The following USH2A variants were observed in gnomAD, a reference collection of about 807,000 sequenced individuals.
USH2A encodes the protein Usher syndrome 2A (autosomal recessive, mild).
In USH2A, 443 loss-of-function variants were observed where a neutral mutation model predicts 538.9. That is an observed-to-expected ratio of 0.82 (90% CI 0.76 to 0.89). The LOEUF is 0.89. USH2A is among the 40% of genes least tolerant of loss of function. The pLI is 0.00. For synonymous variants in USH2A, 2,413 were observed against 2,273.5 expected (o/e 1.06, Z -1.75); for missense variants, 6,633 against 6,324.8 (o/e 1.05, Z -1.65).
At chr1:215,627,233 G>A (rs1432003947) in intron 71 of USH2A, among the ~76,000 whole-genome samples, 1 of 152,156 alleles carries the variant, frequency 6.6e-6, no homozygotes, top group African/African-American at 2.4e-5. Flanking sequence ...ACTTGGAGGA[G>A]AAAGATGAGA....
intron 13 of USH2A, among the ~76,000 whole-genome samples, chr1:216,234,501 T>C (rs2035768406): frequency 6.6e-6 from 1 of 152,124 alleles, no homozygotes; most frequent in Admixed American, 6.6e-5. Context: ...ATTCATCACA[T>C]GATCAAAGTC....
At chr1:216,373,167 A>C (rs2038746776) in intron 3 of USH2A, among the ~76,000 whole-genome samples, 1 of 152,236 alleles carries the variant, frequency 6.6e-6, no homozygotes, top group Non-Finnish European at 1.5e-5. Flanking sequence ...CATATACTAC[A>C]CATAAGGGGT....
At chr1:216,105,420 C>T (rs927055944) in intron 21 of USH2A, among the ~76,000 whole-genome samples, 1 of 151,892 alleles carries the variant, frequency 6.6e-6, no homozygotes, top group Non-Finnish European at 1.5e-5. Context: ...TGTACTCGCC[C>T]CATTGAACTG....
chr1:215,795,210 G>C lies in USH2A; in HGVS notation c.9958+3697C>G, dbSNP rs139341704. Among the ~76,000 whole-genome samples, 410 of 152,172 alleles carry C rather than the reference G, an allele frequency of 2.7e-3. 2 individuals are homozygous for C. Among genetic ancestry groups the C allele is most frequent in the African/African-American group, 9.4e-3 (390 of 41,510 alleles). ...ATACCTCCTGTAAACCAAAGCACACGCTATTATTTGTGTTTTGCAGATTGC... is the reference window on the plus strand; with the variant it reads ...ATACCTCCTGTAAACCAAAGCACACCCTATTATTTGTGTTTTGCAGATTGC... On this transcript the variant is annotated intron_variant, in intron 50 of 71. Coordinates refer to ENST00000307340, the MANE Select transcript of USH2A (RefSeq NM_206933.4).
At chr1:216,023,493 A>G (rs1250923229) in intron 32 of USH2A, among the ~76,000 whole-genome samples, 3 of 149,334 alleles carry the variant, frequency 2.0e-5, no homozygotes, top group Non-Finnish European at 3.0e-5. Flanking sequence ...TCAAAAAACA[A>G]AAGACACAAA....
At chr1:215,828,814 A>T (rs1663233694) in intron 47 of USH2A, among the ~76,000 whole-genome samples, 2 of 152,198 alleles carry the variant, frequency 1.3e-5, no homozygotes, top group South Asian at 4.1e-4. Context: ...GTAATAAAAC[A>T]TCTTTCTTGT....
chr1:216,187,572 A>G (rs1558305359), intron 20 of USH2A, among the ~76,000 whole-genome samples: 3 of 151,890 alleles, frequency 2.0e-5, no homozygotes, highest in African/African-American at 7.2e-5. Context: ...TACAATCCTT[A>G]GTTTTAGAAC....
At chr1:215,785,010 C>A (rs1661755186) in intron 52 of USH2A, among the ~76,000 whole-genome samples, 1 of 152,138 alleles carries the variant, frequency 6.6e-6, no homozygotes, top group South Asian at 2.1e-4. Context: ...GGACTGGGAA[C>A]ACAATAGAAG....
At chr1:216,200,999 CCCTCCCTCCCTCCCTT>C (rs2034980731) in intron 16 of USH2A, among the ~76,000 whole-genome samples, 1 of 102,582 alleles carries the variant, frequency 9.7e-6, no homozygotes, top group African/African-American at 4.1e-5. Flanking sequence ...CTCCCTCCCT[CCCTCCCTCCCTCCCTT>C]CCTTCCTTCC....
chr1:215,759,079 C>T (rs1660899224), intron 57 of USH2A, among the ~76,000 whole-genome samples: 1 of 152,134 alleles, frequency 6.6e-6, no homozygotes, highest in Non-Finnish European at 1.5e-5. Flanking sequence ...GGTTGGAGTT[C>T]AGGGAAATAT....
At chr1:215,658,511 C>T (rs930868351) in intron 64 of USH2A, among the ~76,000 whole-genome samples, 1 of 152,070 alleles carries the variant, frequency 6.6e-6, no homozygotes, top group Non-Finnish European at 1.5e-5. Flanking sequence ...GCTGGCTTTC[C>T]AATACAGATA....
chr1:215,940,079 A>G (rs557277870), intron 37 of USH2A, among the ~76,000 whole-genome samples: 49 of 152,226 alleles, frequency 3.2e-4, no homozygotes, highest in African/African-American at 9.6e-4. Flanking sequence ...AATGACAGTG[A>G]ACAAACCAAA....
At chr1:216,259,826 T>C (rs1159304470) in intron 11 of USH2A, among the ~76,000 whole-genome samples, 1 of 152,022 alleles carries the variant, frequency 6.6e-6, no homozygotes, top group African/African-American at 2.4e-5. Flanking sequence ...ATAACAGCAA[T>C]TTTAACAAGT....
At chr1:216,091,618 T>C (rs1233803886) in intron 22 of USH2A, among the ~76,000 whole-genome samples, 1 of 152,202 alleles carries the variant, frequency 6.6e-6, no homozygotes, top group Middle Eastern at 3.2e-3. Context: ...GATAGTTGGA[T>C]GACAAACCAA....
At chr1:215,635,025 C>T (rs1000017112) in intron 69 of USH2A, among the ~76,000 whole-genome samples, 1 of 152,040 alleles carries the variant, frequency 6.6e-6, no homozygotes, top group South Asian at 2.1e-4. Context: ...CCAAAGTAAC[C>T]TTGAGGGTCA....
chr1:216,122,695 G>A (rs2033162581), intron 21 of USH2A, among the ~76,000 whole-genome samples: 1 of 152,140 alleles, frequency 6.6e-6, no homozygotes. Flanking sequence ...GCAAGATTGA[G>A]TTTCTGAGAG....
intron 21 of USH2A, among the ~76,000 whole-genome samples, chr1:216,113,730 A>T (rs1340428770): frequency 6.6e-6 from 1 of 151,960 alleles, no homozygotes; most frequent in Non-Finnish European, 1.5e-5. Flanking sequence ...TTTTAAATGT[A>T]AAAAGGGGGT....
chr1:216,284,879 C>A (rs149963949), intron 11 of USH2A, among the ~76,000 whole-genome samples: 74 of 152,232 alleles, frequency 4.9e-4, no homozygotes, highest in African/African-American at 1.7e-3. Flanking sequence ...GAGTAAAGGT[C>A]ATTCTTGCTA....
rs17025446 is a variant in USH2A at position 215,798,745 on chromosome 1, A to G, written c.9958+162T>C. On this transcript the variant is annotated intron_variant, in intron 50 of 71. Transcript: ENST00000307340. ...ACATGAGATACATGTAAAAATTGGG[A>G]GATTACATTGTTATGTGTTAAACAA... Among the ~76,000 whole-genome samples the G allele has an allele frequency of 0.018, 2,759 of 152,272 alleles. 88 individuals are homozygous for G. The highest frequency in any genetic ancestry group is 0.063 in the African/African-American group (2,628 of 41,550).
Sources: allele counts gnomAD v4.1 joint callset (sites outside exome capture counted in the v4.1 genomes callset), GRCh38; gene constraint gnomAD v4.1.1; transcripts MANE v1.5; gene names NCBI Gene and HGNC (gene_info 2026-07-23, HGNC 2026-07-21).